Variants in GAPVD1 observed in about 807,000 individuals in gnomAD.
The protein encoded by GAPVD1 is GTPase activating protein and VPS9 domains 1.
Under a neutral mutation model 155.5 loss-of-function variants are expected in GAPVD1, and 35 were observed. The observed-to-expected ratio is 0.23, with a 90% confidence interval of 0.17 to 0.30. The LOEUF (loss-of-function observed/expected upper bound fraction) is 0.30, where lower values mean the gene tolerates loss of function less well. Among genes scored for constraint, GAPVD1 ranks in the 10% least tolerant of loss-of-function variants. The pLI is 1.00. For synonymous variants in GAPVD1, 636 were observed against 619.7 expected, an observed-to-expected ratio of 1.03 and a Z score of -0.39; for missense variants, 1,429 against 1,775.7, an observed-to-expected ratio of 0.80 and a Z score of 3.51.
chr9:125,348,850 C>T (rs1372747463), intron 20 of GAPVD1, among the ~76,000 whole-genome samples: 1 of 152,126 alleles, frequency 6.6e-6, no homozygotes, highest in African/African-American at 2.4e-5. Flanking sequence ...ACTTTGGAAA[C>T]CACAGATCTG....
At chr9:125,322,898 AAC>A (rs1323963580) in intron 10 of GAPVD1, among the ~76,000 whole-genome samples, 1 of 151,810 alleles carries the variant, frequency 6.6e-6, no homozygotes, top group Non-Finnish European at 1.5e-5. Context: ...ACTAAAATAC[AAC>A]AAATTAGCTG....
rs1850765849 is a variant in GAPVD1 at position 125,360,590 on chromosome 9, T to C, written c.4107T>C (p.Tyr1369=). Residue 1369 remains tyrosine, a synonymous_variant, in exon 27 of 28, where the codon TAT becomes TAC. Coordinates refer to ENST00000297933, the MANE Select transcript of GAPVD1 (RefSeq NM_001282680.3). ...CAGAAATCAGGACAATAAGTGCTTA[T>C]AAAACCCCCCGGGACAAAGTGCAGT... The part of the protein sequence containing the change: ...AQSEIRTISA[Y]KTPRDKVQCI... The C allele has an allele frequency of 1.9e-6, 3 of 1,613,968 alleles. No individual in the cohort carries two copies. The highest frequency in any genetic ancestry group is 2.5e-6 in the Non-Finnish European group (3 of 1,179,972).
intron 2 of GAPVD1, among the ~76,000 whole-genome samples, chr9:125,272,665 A>T (rs953363292): frequency 1.3e-5 from 2 of 152,112 alleles, no homozygotes; most frequent in African/African-American, 4.8e-5. Context: ...CTTTTTGAAA[A>T]CCTATTTTAA....
rs1851282975 is a variant in GAPVD1 at position 125,364,200 on chromosome 9, C to T, written c.*1454C>T. 1 of 151,092 alleles carries T rather than the reference C, an allele frequency of 6.6e-6. No individual in the cohort carries two copies. The highest frequency in any genetic ancestry group is 2.1e-4 in the South Asian group (1 of 4,812). The allele number at this position is 151,092 out of a possible 1,614,324, so 9.4% of individuals were successfully genotyped here. On this transcript the variant is annotated 3_prime_UTR_variant, in exon 28 of 28. Coordinates refer to ENST00000297933, the MANE Select transcript of GAPVD1 (RefSeq NM_001282680.3). ...TTGTCTGTCTCTGAGATCTTTGTGT[C>T]TGGGAATGCCTAAAGATTTTATTTT...
rs756909222 is a variant in GAPVD1 at position 125,330,123 on chromosome 9, G to C, written c.2078G>C (p.Gly693Ala). Reference protein sequence around the residue: ...NMLGSLLCLPGSGSVLLDPCT... With the variant: ...NMLGSLLCLPASGSVLLDPCT... Reference sequence around the variant, plus strand: ...TTAGGCAGTTTGCTGTGCCTCCCAGGTTCAGGGTCAGTGCTTCTTGACCCC... The same window carrying C: ...TTAGGCAGTTTGCTGTGCCTCCCAGCTTCAGGGTCAGTGCTTCTTGACCCC... Residue 693 changes from glycine (G) to alanine (A), a missense_variant, in exon 13 of 28, where the codon GGT (glycine) becomes GCT (alanine). Transcript: ENST00000297933. 6.2e-7 allele frequency: 1 copy of C among 1,612,506 alleles called. No homozygotes were observed. The highest frequency in any genetic ancestry group is 8.5e-7 in the Non-Finnish European group (1 of 1,178,878).
intron 4 of GAPVD1, among the ~76,000 whole-genome samples, chr9:125,301,357 C>G (rs1840825823): frequency 1.3e-5 from 2 of 152,136 alleles, no homozygotes; most frequent in Non-Finnish European, 2.9e-5. Flanking sequence ...GTGTGAGCCA[C>G]TGTGTCCTTC....
Position 125,357,125 on chromosome 9 carries a change from C to A in GAPVD1, c.3971+1268C>A, listed in dbSNP as rs371528999. ...ATGAGCCACCATGCCTGGCCTCTCC[C>A]CTGTTCTTAATCACTGGTTTGTGTG... On this transcript the variant is annotated intron_variant, in intron 25 of 27. Coordinates refer to ENST00000297933, the MANE Select transcript of GAPVD1 (RefSeq NM_001282680.3). 1.9e-3 allele frequency among the ~76,000 whole-genome samples: 292 copies of A among 152,268 alleles called. 1 individual carries two copies. The highest frequency in any genetic ancestry group is 2.3e-3 in the South Asian group (11 of 4,824).
Position 125,350,695 on chromosome 9 carries a change from C to A in GAPVD1, c.3410-18C>A, listed in dbSNP as rs368335520. ...GGAAATTCTCAAGAATAACAGAATT[C>A]TTGTATCTTTTATTTAGACAATGAA... On this transcript the variant is annotated intron_variant, in intron 22 of 27. Coordinates refer to ENST00000297933, the MANE Select transcript of GAPVD1 (RefSeq NM_001282680.3). 2 of 1,418,594 alleles carry A rather than the reference C, an allele frequency of 1.4e-6. No homozygotes were observed. The highest frequency in any genetic ancestry group is 2.0e-6 in the Non-Finnish European group (2 of 1,013,348). 87.9% of individuals were successfully genotyped at this position (1,418,594 alleles called of 1,614,324 possible).
chr9:125,269,367 C>T (rs1834504518), intron 2 of GAPVD1, among the ~76,000 whole-genome samples: 1 of 151,650 alleles, frequency 6.6e-6, no homozygotes, highest in Non-Finnish European at 1.5e-5. Flanking sequence ...AGTTAATTTT[C>T]TGTTAAGCAA....
intron 9 of GAPVD1, among the ~76,000 whole-genome samples, chr9:125,321,206 G>T (rs1844293070): frequency 6.6e-6 from 1 of 152,124 alleles, no homozygotes; most frequent in Admixed American, 6.6e-5. Flanking sequence ...CTGGTTGCCT[G>T]TTCTATCTGT....
rs552424537 is a variant in GAPVD1, at chr9:125,338,711, T to C, written c.2877+1120T>C. 6.6e-5 allele frequency among the ~76,000 whole-genome samples: 10 copies of C among 152,350 alleles called. No individual in the cohort carries two copies. In the South Asian group the frequency reaches 2.1e-3, roughly 32 times the overall value. ...TGCACTTTGTCAGGTAGCACAGTTT[T>C]AATTTGTCCCATTTCTACAGTGTTC... is the stretch of plus-strand genomic sequence containing the variant. On this transcript the variant is annotated intron_variant, in intron 17 of 27. Coordinates refer to ENST00000297933, the MANE Select transcript of GAPVD1 (RefSeq NM_001282680.3).
chr9:125,299,013 A>G lies in GAPVD1; in HGVS notation c.92A>G (p.Asn31Ser). 4 of 1,610,892 alleles carry G rather than the reference A, an allele frequency of 2.5e-6. No individual in the cohort carries two copies. The highest frequency in any genetic ancestry group is 1.3e-5 in the African/African-American group (1 of 74,992). ...NSEKQLIQRL[N>S]ADVLKTAEKL... ...GAGAAACAGCTCATTCAGAGGCTCA[A>G]TGCAGATGTACTTAAGACAGCTGAA... The change falls in exon 4 of 28, where the codon AAT becomes AGT. Residue 31 changes from asparagine to serine, a missense_variant. By Grantham distance (46) the Asn-to-Ser change is conservative. This residue lies in a region of GAPVD1 where 628 missense variants were observed against 733.4 expected (regional missense o/e 0.86). Coordinates refer to ENST00000297933, the MANE Select transcript of GAPVD1 (RefSeq NM_001282680.3).
rs369552018 is a variant in GAPVD1, at chr9:125,307,670, A to G, written c.1252-21A>G. ...ATTTGAAAAAGTGATTTCATTAGCT[A>G]ATGTTCTTTGCTTTTGCCAGGTGAA... is the stretch of plus-strand genomic sequence containing the variant. On this transcript the variant is annotated intron_variant, in intron 7 of 27. Transcript: ENST00000297933. The G allele has an allele frequency of 1.2e-5, 19 of 1,601,808 alleles. No individual in the cohort carries two copies. In the African/African-American group the frequency reaches 2.1e-4, roughly 18 times the overall value.
intron 2 of GAPVD1, among the ~76,000 whole-genome samples, chr9:125,271,889 T>C (rs780703892): frequency 6.6e-6 from 1 of 152,230 alleles, no homozygotes; most frequent in Non-Finnish European, 1.5e-5. Flanking sequence ...ACTTGTGTTA[T>C]TTATATTTAC....
At chr9:125,280,262 G>A (rs545045020) in intron 2 of GAPVD1, among the ~76,000 whole-genome samples, 1 of 151,002 alleles carries the variant, frequency 6.6e-6, no homozygotes. Context: ...CAGGCATGGT[G>A]GTGCATGCCT....
intron 8 of GAPVD1, chr9:125,309,956 G>A (rs1234305455): frequency 4.3e-6 from 2 of 468,942 alleles, no homozygotes; most frequent in African/African-American, 4.0e-5. Context: ...ATCACTGCCT[G>A]GGATTCCTCA....
At chr9:125,279,949 T>C (rs1001304331) in intron 2 of GAPVD1, among the ~76,000 whole-genome samples, 5 of 150,798 alleles carry the variant, frequency 3.3e-5, no homozygotes, top group East Asian at 2.0e-4. Flanking sequence ...TTAGTAGAGA[T>C]GGGGGTTTCA....
intron 15 of GAPVD1, among the ~76,000 whole-genome samples, chr9:125,333,506 G>A (rs902079029): frequency 2.7e-5 from 1 of 36,370 alleles, no homozygotes; most frequent in Non-Finnish European, 5.3e-5. Context: ...TTTTTTTTTT[G>A]AGACAGAGTT....
intron 2 of GAPVD1, among the ~76,000 whole-genome samples, chr9:125,285,199 G>T (rs1837447998): frequency 6.6e-6 from 1 of 152,190 alleles, no homozygotes. Flanking sequence ...ATAAACAAGT[G>T]AGTATGGCTT....
Sources: allele counts gnomAD v4.1 joint callset (sites outside exome capture counted in the v4.1 genomes callset), GRCh38; gene constraint gnomAD v4.1.1; regional missense constraint gnomAD v4.1.1; transcripts MANE v1.5; gene names NCBI Gene and HGNC (gene_info 2026-07-23, HGNC 2026-07-21).